Variants in ZBTB20 observed in about 807,000 individuals in gnomAD.
The protein encoded by ZBTB20 is zinc finger and BTB domain containing 20.
In ZBTB20, 9 loss-of-function variants were observed where a neutral mutation model predicts 56.9. That is an observed-to-expected ratio of 0.16 (90% CI 0.10 to 0.28). The LOEUF (loss-of-function observed/expected upper bound fraction) is 0.28. Among genes scored for constraint, ZBTB20 ranks in the 10% least tolerant of loss-of-function variants. ZBTB20 has a pLI of 1.00. For synonymous variants in ZBTB20, 417 were observed against 420.7 expected, an observed-to-expected ratio of 0.99 and a Z score of 0.11; for missense variants, 655 against 1,003.0, an observed-to-expected ratio of 0.65 and a Z score of 4.69.
chr3:114,927,214 A>T (rs1379550039), intron 3 of ZBTB20, among the ~76,000 whole-genome samples: 4 of 152,192 alleles, frequency 2.6e-5, no homozygotes, highest in African/African-American at 9.7e-5. Flanking sequence ...ATTTGTTTCT[A>T]ATCTACCAAT....
chr3:114,765,383 G>A lies in ZBTB20; in HGVS notation c.-343+35718C>T, dbSNP rs185510154. On this transcript the variant is annotated intron_variant, in intron 5 of 11. Coordinates refer to ENST00000675478, the MANE Select transcript of ZBTB20 (RefSeq NM_001348800.3). ...AGAGAAAGGGGAAATTTGGACATGGGCACACATACACTGGGAGAATGCTAT... is the reference window on the plus strand; with the variant it reads ...AGAGAAAGGGGAAATTTGGACATGGACACACATACACTGGGAGAATGCTAT... Among the ~76,000 whole-genome samples, 12 of 152,172 alleles carry A rather than the reference G, an allele frequency of 7.9e-5. No homozygotes were observed. In the East Asian group the frequency reaches 1.5e-3, roughly 20 times the overall value.
At chr3:114,856,382 TC>T (rs1360796989) in intron 4 of ZBTB20, among the ~76,000 whole-genome samples, 2 of 152,026 alleles carry the variant, frequency 1.3e-5, no homozygotes, top group Admixed American at 1.3e-4. Context: ...AAATACCCCT[TC>T]AGTAAAAGAA....
At chr3:115,031,606 T>G (rs772616545) in intron 2 of ZBTB20, among the ~76,000 whole-genome samples, 1 of 151,482 alleles carries the variant, frequency 6.6e-6, no homozygotes, top group South Asian at 2.1e-4. Flanking sequence ...CTTATGTCTT[T>G]GTTTCATAAA....
chr3:114,470,431 A>G (rs1017804451), intron 7 of ZBTB20, among the ~76,000 whole-genome samples: 1 of 152,162 alleles, frequency 6.6e-6, no homozygotes, highest in African/African-American at 2.4e-5. Flanking sequence ...TTTTAAATAT[A>G]GATCTTGGTT....
intron 4 of ZBTB20, among the ~76,000 whole-genome samples, chr3:114,839,656 A>T (rs2074299294): frequency 6.6e-6 from 1 of 152,210 alleles, no homozygotes; most frequent in South Asian, 2.1e-4. Flanking sequence ...TGGAAAAAGG[A>T]TCTGTGCAGA....
intron 1 of ZBTB20, among the ~76,000 whole-genome samples, chr3:115,146,619 G>A (rs1324594677): frequency 6.6e-6 from 1 of 152,206 alleles, no homozygotes; most frequent in East Asian, 1.9e-4. Flanking sequence ...GGGGCCGGGA[G>A]CTCCGGCGTC....
At chr3:114,900,984 C>T (rs1329554251) in intron 3 of ZBTB20, among the ~76,000 whole-genome samples, 1 of 152,194 alleles carries the variant, frequency 6.6e-6, no homozygotes, top group Non-Finnish European at 1.5e-5. Flanking sequence ...GGTATTGATA[C>T]AGAAGACTAT....
intron 1 of ZBTB20, among the ~76,000 whole-genome samples, chr3:115,085,815 T>C (rs1357712413): frequency 6.6e-6 from 1 of 151,924 alleles, no homozygotes; most frequent in Non-Finnish European, 1.5e-5. Flanking sequence ...TGAAATATGA[T>C]TTCCACACTA....
rs574774336 is a variant in ZBTB20, at chr3:114,428,465, C to T, written c.-254-39360G>A. ...CAAAGAGGAAGTGCCCTGAAGGGGC[C>T]CAGAAGTGGGGAACTGGGTAGATTT... is the stretch of plus-strand genomic sequence containing the variant. On this transcript the variant is annotated intron_variant, in intron 7 of 11. Transcript: ENST00000675478. Among the ~76,000 whole-genome samples, 8 of 152,204 alleles carry T rather than the reference C, an allele frequency of 5.3e-5. No homozygotes were observed. The South Asian group carries it at 1.7e-3, about 32-fold the overall frequency.
rs751679966 is a variant in ZBTB20 at position 115,090,435 on chromosome 3, G to A, written c.-702-19021C>T. Among the ~76,000 whole-genome samples the A allele has an allele frequency of 1.1e-3, 164 of 151,434 alleles. 2 individuals carry two copies. The highest frequency in any genetic ancestry group is 1.7e-3 in the Non-Finnish European group (112 of 67,704). On this transcript the variant is annotated intron_variant, in intron 1 of 11. Transcript: ENST00000675478. ...ATTACTGTCAAAATTTATGAATGATGGGTAAAAATTTTATCTAAAGAAAAT... is the reference window on the plus strand; with the variant it reads ...ATTACTGTCAAAATTTATGAATGATAGGTAAAAATTTTATCTAAAGAAAAT...
intron 6 of ZBTB20, among the ~76,000 whole-genome samples, chr3:114,562,145 CT>C (rs1224596992): frequency 6.6e-6 from 1 of 151,432 alleles, no homozygotes; most frequent in Non-Finnish European, 1.5e-5. Context: ...CTGGATTAGG[CT>C]TTGTCTTAAG....
intron 6 of ZBTB20, among the ~76,000 whole-genome samples, chr3:114,554,802 A>G (rs1385783287): frequency 6.6e-6 from 1 of 152,156 alleles, no homozygotes; most frequent in Non-Finnish European, 1.5e-5. Flanking sequence ...AAACTGCTTC[A>G]AGTAGGAACA....
chr3:114,638,089 G>A (rs1247861760), intron 6 of ZBTB20, among the ~76,000 whole-genome samples: 1 of 151,994 alleles, frequency 6.6e-6, no homozygotes, highest in Non-Finnish European at 1.5e-5. Flanking sequence ...TATGACAAGT[G>A]TATTCTCTAA....
At chr3:114,365,999 A>T (rs1444361071) in intron 10 of ZBTB20, among the ~76,000 whole-genome samples, 1 of 152,214 alleles carries the variant, frequency 6.6e-6, no homozygotes, top group Non-Finnish European at 1.5e-5. Context: ...AATGCACTAC[A>T]TCATTATTTT....
chr3:114,761,529 T>C (rs1244288242), intron 5 of ZBTB20, among the ~76,000 whole-genome samples: 1 of 152,142 alleles, frequency 6.6e-6, no homozygotes, highest in East Asian at 1.9e-4. Context: ...GTAATGTTTA[T>C]GTTGTGAAAA....
rs564977697 is a variant in ZBTB20 at position 114,847,307 on chromosome 3, C to T, written c.-416-46133G>A. On this transcript the variant is annotated intron_variant, in intron 4 of 11. Coordinates refer to ENST00000675478, the MANE Select transcript of ZBTB20 (RefSeq NM_001348800.3). Reference sequence around the variant, plus strand: ...CATGAGAAAAAAAAAAAAAGAAACACTACATGCTTCATAGTTACCCTCCCC... The same window carrying T: ...CATGAGAAAAAAAAAAAAAGAAACATTACATGCTTCATAGTTACCCTCCCC... Among the ~76,000 whole-genome samples, 12 of 150,958 alleles carry T rather than the reference C, an allele frequency of 7.9e-5. No homozygotes were observed. The East Asian group carries it at 1.9e-3, about 24-fold the overall frequency.
intron 2 of ZBTB20, among the ~76,000 whole-genome samples, chr3:115,002,913 T>C (rs1197084071): frequency 6.6e-6 from 1 of 151,626 alleles, no homozygotes; most frequent in Non-Finnish European, 1.5e-5. Flanking sequence ...AACGACGATG[T>C]CTTTAAGTAG....
At chr3:114,766,649 T>C (rs2068812725) in intron 5 of ZBTB20, among the ~76,000 whole-genome samples, 1 of 151,994 alleles carries the variant, frequency 6.6e-6, no homozygotes, top group South Asian at 2.1e-4. Flanking sequence ...AAAATAGCCC[T>C]ATGAAGTTTG....
intron 4 of ZBTB20, among the ~76,000 whole-genome samples, chr3:114,855,126 T>C (rs979974015): frequency 3.3e-5 from 5 of 152,232 alleles, no homozygotes; most frequent in African/African-American, 9.6e-5. Flanking sequence ...GTTATAAGTA[T>C]GTAAATGTTA....
Sources: gnomAD v4.1 joint callset for allele counts (sites outside exome capture counted in the v4.1 genomes callset) on GRCh38, gnomAD v4.1.1 for gene constraint, MANE v1.5 for transcripts, NCBI Gene and HGNC (gene_info 2026-07-23, HGNC 2026-07-21) for gene names.